LRP2: variants seen among roughly 807,000 people sequenced by gnomAD.
The protein encoded by LRP2 is low-density lipoprotein receptor-related protein 2.
LRP2 carries 172 observed loss-of-function variants against 531.0 expected under a neutral mutation model. The observed-to-expected ratio is 0.32, with a 90% confidence interval of 0.29 to 0.37. The LOEUF (loss-of-function observed/expected upper bound fraction) is 0.37, where lower values mean the gene tolerates loss of function less well. Among genes scored for constraint, LRP2 ranks in the 10% least tolerant of loss-of-function variants. LRP2 has a pLI of 1.00. For missense variants in LRP2, 5,167 were observed against 5,868.3 expected (o/e 0.88, Z 3.90); for synonymous variants, 1,992 against 2,027.6 (o/e 0.98, Z 0.47).
intron 4 of LRP2, among the ~76,000 whole-genome samples, chr2:169,298,209 ATCATCAT>A (rs1684183981): frequency 6.6e-6 from 1 of 151,900 alleles, no homozygotes; most frequent in Non-Finnish European, 1.5e-5. Context: ...CATCATCATC[ATCATCAT>A]CATCATCATC....
In LRP2 at chr2:169,294,220, C is replaced by T. The variant is rs765476425; in HGVS notation, c.580G>A (p.Glu194Lys). ...CAGACATAAGCACGAGGGATACACT[C>T]TCCATTGCCACATGAAAACTCATTG... is the stretch of plus-strand genomic sequence containing the variant. Reference protein sequence around the residue: ...LHNEFSCGNGECIPRAYVCDH... With the variant: ...LHNEFSCGNGKCIPRAYVCDH... The change falls in exon 6 of 79, where the codon GAG becomes AAG. Residue 194 changes from glutamate (E) to lysine (K), a missense_variant. By Grantham distance (56) the Glu-to-Lys change is moderately conservative. This residue lies in a region of LRP2 where 2,811 missense variants were observed against 3,058.0 expected (regional missense o/e 0.92). Coordinates refer to ENST00000649046, the MANE Select transcript of LRP2 (RefSeq NM_004525.3). The T allele has an allele frequency of 1.9e-6, 3 of 1,613,784 alleles. No homozygotes were observed. Among genetic ancestry groups the T allele is most frequent in the Admixed American group, 3.3e-5 (2 of 59,998 alleles).
At chr2:169,328,441 T>TAA (rs537210492) in intron 1 of LRP2, among the ~76,000 whole-genome samples, 5,178 of 48,640 alleles carry the variant, frequency 0.11, 302 homozygotes, top group African/African-American at 0.14. Context: ...CGGGCCGGGA[T>TAA]AAAAAAAAAA....
intron 1 of LRP2, among the ~76,000 whole-genome samples, chr2:169,329,807 A>T (rs1409593884): frequency 6.6e-6 from 1 of 152,192 alleles, no homozygotes; most frequent in East Asian, 1.9e-4. Context: ...AACTACGAAC[A>T]GGTTCCATGA....
In LRP2 at chr2:169,127,895, C is replaced by G. The variant is rs547977664; in HGVS notation, c.*768G>C. 2 of 152,232 alleles carry G rather than the reference C, an allele frequency of 1.3e-5. No individual in the cohort carries two copies. Among genetic ancestry groups the G allele is most frequent in the Non-Finnish European group, 2.9e-5 (2 of 68,018 alleles). 9.4% of individuals were successfully genotyped at this position (152,232 alleles called of 1,614,324 possible). ...GCTCCAGGGTCCATCAGCAGAAGAG[C>G]TCATTTAATTAACCACAAACTCAAT... On this transcript the variant is annotated 3_prime_UTR_variant, in exon 79 of 79. Transcript: ENST00000649046.
chr2:169,326,151 C>T (rs1440226319), intron 1 of LRP2, among the ~76,000 whole-genome samples: 11 of 73,902 alleles, frequency 1.5e-4, no homozygotes, highest in African/African-American at 7.4e-4. Flanking sequence ...TCTCCCTCTC[C>T]CTCTCCCTCT....
At chr2:169,197,628 A>C (rs1688049249) in intron 45 of LRP2, among the ~76,000 whole-genome samples, 1 of 152,232 alleles carries the variant, frequency 6.6e-6, no homozygotes, top group African/African-American at 2.4e-5. Context: ...ATGTGGGTGC[A>C]CATCTAATTA....
chr2:169,274,780 C>T (rs1683509480), intron 14 of LRP2, among the ~76,000 whole-genome samples: 1 of 152,076 alleles, frequency 6.6e-6, no homozygotes, highest in Non-Finnish European at 1.5e-5. Flanking sequence ...TTTGCAGGTG[C>T]TAATAAACAT....
chr2:169,173,718 C>T (rs1220646615), intron 56 of LRP2, among the ~76,000 whole-genome samples: 3 of 152,200 alleles, frequency 2.0e-5, no homozygotes, highest in African/African-American at 2.4e-5. Flanking sequence ...GAGGTATTAG[C>T]CACTTCAGAA....
Position 169,241,361 on chromosome 2 carries a change from G to A in LRP2, c.3672C>T (p.Thr1224=), listed in dbSNP as rs1432103308. ...CTGAGTGGCACATACCAGGAGGCCT[G>A]GTTGCTAGAAGGAAAACATGGGGTA... ...SDNSDEAGCP[T]RPPGMCHSDE... The change falls in exon 25 of 79, where the codon ACC becomes ACT. Residue 1224 remains threonine (T), a synonymous_variant. Transcript: ENST00000649046. 1.2e-6 allele frequency: 2 copies of A among 1,613,958 alleles called. No individual in the cohort carries two copies. Among genetic ancestry groups the A allele is most frequent in the Admixed American group, 1.7e-5 (1 of 59,998 alleles).
intron 9 of LRP2, among the ~76,000 whole-genome samples, chr2:169,287,436 T>C (rs1683887815): frequency 1.3e-5 from 2 of 152,170 alleles, no homozygotes; most frequent in African/African-American, 4.8e-5. Context: ...TTACCCACTA[T>C]GAACACAAGG....
chr2:169,154,629 A>T (rs1558982761), intron 65 of LRP2, 26 bp from the exon 66 acceptor site: 1 of 1,608,966 alleles, frequency 6.2e-7, no homozygotes, highest in Non-Finnish European at 8.5e-7. Flanking sequence ...GGGCTACTTT[A>T]TCTGTTTGAA....
intron 70 of LRP2, among the ~76,000 whole-genome samples, chr2:169,145,405 G>T (rs1685870877): frequency 6.6e-6 from 1 of 152,184 alleles, no homozygotes; most frequent in Non-Finnish European, 1.5e-5. Context: ...AACCCATTTT[G>T]TGACTTGTTA....
At chr2:169,315,961 A>T (rs964276073) in intron 3 of LRP2, among the ~76,000 whole-genome samples, 1 of 60,646 alleles carries the variant, frequency 1.6e-5, no homozygotes, top group Admixed American at 1.3e-4. Flanking sequence ...CATCTCTACA[A>T]AAAAAAAAAA....
intron 48 of LRP2, 68 bp downstream of exon 48, chr2:169,191,764 T>A (rs1028530582): frequency 1.3e-5 from 18 of 1,376,960 alleles, no homozygotes; most frequent in Non-Finnish European, 1.9e-5. Flanking sequence ...GGGTGCCTGA[T>A]AGGTAAGTGA....
chr2:169,246,096 GT>G (rs11448309), intron 21 of LRP2, among the ~76,000 whole-genome samples: 2 of 149,760 alleles, frequency 1.3e-5, no homozygotes, highest in African/African-American at 5.0e-5. Flanking sequence ...TTGTAATTTT[GT>G]TTTTTTTGTA....
chr2:169,268,423 T>C (rs1188815016), intron 16 of LRP2, among the ~76,000 whole-genome samples: 1 of 152,224 alleles, frequency 6.6e-6, no homozygotes, highest in Non-Finnish European at 1.5e-5. Context: ...TCAAGTGGGC[T>C]TCATCCCTGT....
intron 9 of LRP2, among the ~76,000 whole-genome samples, chr2:169,283,748 A>C (rs1559056185): frequency 6.6e-6 from 1 of 152,226 alleles, no homozygotes. Flanking sequence ...TTATTCACTC[A>C]TTTAGTAAGT....
chr2:169,161,508 G>A (rs902554390), intron 63 of LRP2, among the ~76,000 whole-genome samples: 4 of 152,076 alleles, frequency 2.6e-5, no homozygotes, highest in Non-Finnish European at 5.9e-5. Context: ...ACAAGGTCTT[G>A]CTTTATTGCC....
chr2:169,212,138 G>A lies in LRP2; in HGVS notation c.6110C>T (p.Pro2037Leu). 2 of 1,613,988 alleles carry A rather than the reference G, an allele frequency of 1.2e-6. No homozygotes were observed. The highest frequency in any genetic ancestry group is 1.7e-6 in the Non-Finnish European group (2 of 1,179,930). Reference protein sequence around the residue: ...NACQQICLPVPGGLFSCACAT... With the variant: ...NACQQICLPVLGGLFSCACAT... ...ACAGGCGCAGGAAAACAATCCTCCTGGTACAGGCAGGCAAATCTGCTGACA... is the reference window on the plus strand; with the variant it reads ...ACAGGCGCAGGAAAACAATCCTCCTAGTACAGGCAGGCAAATCTGCTGACA... The change falls in exon 37 of 79, where the codon CCA (proline) becomes CTA (leucine). Residue 2037 changes from proline to leucine, a missense_variant. Pro to Leu is a moderately conservative substitution (Grantham distance 98, BLOSUM62 -3). This residue lies in a region of LRP2 where 2,811 missense variants were observed against 3,058.0 expected (regional missense o/e 0.92). Transcript: ENST00000649046.
Sources: gnomAD v4.1 joint callset for allele counts (sites outside exome capture counted in the v4.1 genomes callset) on GRCh38, gnomAD v4.1.1 for gene constraint, gnomAD v4.1.1 regional missense constraint, MANE v1.5 for transcripts, NCBI Gene and HGNC (gene_info 2026-07-23, HGNC 2026-07-21) for gene names.